The following GRM8 variants were observed in gnomAD, a reference collection of about 807,000 sequenced individuals.
GRM8 encodes the protein metabotropic glutamate receptor 8.
GRM8 carries 47 observed loss-of-function variants against 87.2 expected under a neutral mutation model. The ratio of observed to expected loss-of-function variants is 0.54; its 90% CI spans 0.43 to 0.69. The LOEUF (loss-of-function observed/expected upper bound fraction) is 0.69, where lower values mean the gene tolerates loss of function less well. Among genes scored for constraint, GRM8 ranks in the 30% least tolerant of loss-of-function variants. The pLI is 0.00. For missense variants in GRM8, 1,019 were observed against 1,139.2 expected (o/e 0.89, Z 1.52); for synonymous variants, 396 against 404.5 (o/e 0.98, Z 0.25).
rs763239842 is a variant in GRM8, at chr7:126,770,082, TA to T, written c.1157-18del. 6.4e-7 allele frequency: 1 copy of T among 1,572,144 alleles called. No individual in the cohort carries two copies. The highest frequency in any genetic ancestry group is 8.7e-7 in the Non-Finnish European group (1 of 1,147,306). Reference sequence around the variant, plus strand: ...GCTCCAGCCCTGCAAAATAAAAAAGTAAAAACCATCAGTTGATGTTAGATTC... The same window carrying T: ...GCTCCAGCCCTGCAAAATAAAAAAGTAAAACCATCAGTTGATGTTAGATTC... On this transcript the variant is annotated intron_variant, in intron 6 of 10. Coordinates refer to ENST00000339582, the MANE Select transcript of GRM8 (RefSeq NM_000845.3).
At chr7:126,872,551 T>A (rs1245321699) in intron 6 of GRM8, among the ~76,000 whole-genome samples, 1 of 152,190 alleles carries the variant, frequency 6.6e-6, no homozygotes, top group Non-Finnish European at 1.5e-5. Context: ...AGCTGTTTGG[T>A]ACAGTGTTTT....
At chr7:126,798,865 G>A (rs1380099469) in intron 6 of GRM8, among the ~76,000 whole-genome samples, 1 of 152,092 alleles carries the variant, frequency 6.6e-6, no homozygotes, top group Admixed American at 6.5e-5. Context: ...GACTGGGAAA[G>A]TCTCCCAAGA....
At chr7:127,007,362 G>C (rs1216652905) in intron 3 of GRM8, among the ~76,000 whole-genome samples, 1 of 151,804 alleles carries the variant, frequency 6.6e-6, no homozygotes, top group Non-Finnish European at 1.5e-5. Flanking sequence ...AAAAATATAA[G>C]GGTTTCTAGT....
intron 6 of GRM8, among the ~76,000 whole-genome samples, chr7:126,860,979 T>C (rs1457968010): frequency 6.6e-6 from 1 of 152,158 alleles, no homozygotes; most frequent in Admixed American, 6.5e-5. Flanking sequence ...TGTTGTATGG[T>C]TTGTGACTCC....
chr7:126,557,054 A>G (rs1396043512), intron 8 of GRM8, among the ~76,000 whole-genome samples: 2 of 152,204 alleles, frequency 1.3e-5, no homozygotes. Context: ...CTTGCTCTGA[A>G]AAATGAGCTG....
intron 3 of GRM8, among the ~76,000 whole-genome samples, chr7:126,963,426 C>G (rs573461803): frequency 2.2e-4 from 33 of 152,058 alleles, no homozygotes; most frequent in Non-Finnish European, 4.3e-4. Flanking sequence ...TTAGAAAACC[C>G]CTTCGTCTCA....
chr7:126,913,398 A>G (rs1029795078), intron 3 of GRM8, among the ~76,000 whole-genome samples: 1 of 152,244 alleles, frequency 6.6e-6, no homozygotes, highest in Non-Finnish European at 1.5e-5. Context: ...GTTAAAGAGA[A>G]TGACTAGACT....
At chr7:126,746,020 G>T (rs1482077502) in intron 7 of GRM8, among the ~76,000 whole-genome samples, 1 of 151,566 alleles carries the variant, frequency 6.6e-6, no homozygotes, top group East Asian at 1.9e-4. Flanking sequence ...AAAGCTAAGA[G>T]AATACTGCTT....
At chr7:127,037,832 C>CGTGT (rs367605693) in intron 3 of GRM8, among the ~76,000 whole-genome samples, 19,272 of 147,302 alleles carry the variant, frequency 0.13, 1,341 homozygotes, top group Middle Eastern at 0.17. Context: ...CATGCGCATC[C>CGTGT]GTGTGTGTGT....
rs560643656 is a variant in GRM8 at position 126,877,288 on chromosome 7, C to T, written c.1156+25254G>A. Among the ~76,000 whole-genome samples, 19 of 152,296 alleles carry T rather than the reference C, an allele frequency of 1.2e-4. No homozygotes were observed. The South Asian group carries it at 3.5e-3, about 28-fold the overall frequency. On this transcript the variant is annotated intron_variant, in intron 6 of 10. Coordinates refer to ENST00000339582, the MANE Select transcript of GRM8 (RefSeq NM_000845.3). Reference sequence around the variant, plus strand: ...AACTTGTTGGCCTAGCAGTAAAGTTCTTCAAAGTTTGCCAATCTGTTTGGA... The same window carrying T: ...AACTTGTTGGCCTAGCAGTAAAGTTTTTCAAAGTTTGCCAATCTGTTTGGA...
intron 2 of GRM8, among the ~76,000 whole-genome samples, chr7:127,127,623 G>A (rs1284717924): frequency 6.6e-6 from 1 of 151,918 alleles, no homozygotes; most frequent in Non-Finnish European, 1.5e-5. Flanking sequence ...GATTTCCTGG[G>A]GCCAGAGCAG....
chr7:126,819,739 G>C (rs1794129327), intron 6 of GRM8, among the ~76,000 whole-genome samples: 1 of 151,850 alleles, frequency 6.6e-6, no homozygotes, highest in Admixed American at 6.6e-5. Context: ...AATGTAAATA[G>C]ATTTTTTAAA....
chr7:126,902,458 C>A (rs1802187924), intron 6 of GRM8, 84 bp downstream of exon 6: 1 of 1,082,840 alleles, frequency 9.2e-7, no homozygotes, highest in Non-Finnish European at 1.3e-6. Context: ...TCATCATTAT[C>A]CATATAGAAA....
At chr7:126,609,231 G>T in intron 8 of GRM8, 131 bp downstream of exon 8, 1 of 588,280 alleles carries the variant, frequency 1.7e-6, no homozygotes, top group Non-Finnish European at 2.9e-6. Context: ...ATTGAAGAGA[G>T]AATCAAGTCA....
chr7:127,178,813 C>G (rs1794265902), intron 2 of GRM8, among the ~76,000 whole-genome samples: 1 of 152,116 alleles, frequency 6.6e-6, no homozygotes, highest in Admixed American at 6.5e-5. Flanking sequence ...TATTACCAAG[C>G]CACCACTACA....
At chr7:126,563,848 T>C (rs1012968194) in intron 8 of GRM8, among the ~76,000 whole-genome samples, 6 of 152,250 alleles carry the variant, frequency 3.9e-5, no homozygotes, top group Admixed American at 1.3e-4. Context: ...TCCTGATGCA[T>C]GAAATTTATT....
intron 9 of GRM8, among the ~76,000 whole-genome samples, chr7:126,455,971 ATTG>A (rs1292603370): frequency 6.6e-6 from 1 of 151,668 alleles, no homozygotes; most frequent in Non-Finnish European, 1.5e-5. Flanking sequence ...AATTAAAATT[ATTG>A]TTATCTTAGA....
chr7:126,554,639 G>T (rs1792944401), intron 8 of GRM8, among the ~76,000 whole-genome samples: 1 of 151,814 alleles, frequency 6.6e-6, no homozygotes, highest in South Asian at 2.1e-4. Context: ...AAGAACAAAA[G>T]GCAAAGCACA....
intron 6 of GRM8, among the ~76,000 whole-genome samples, chr7:126,802,043 A>C (rs930973576): frequency 6.6e-6 from 1 of 152,194 alleles, no homozygotes; most frequent in Non-Finnish European, 1.5e-5. Context: ...GTTATGTTAG[A>C]AGCACTTTTT....
Sources: allele counts gnomAD v4.1 joint callset (sites outside exome capture counted in the v4.1 genomes callset), GRCh38; gene constraint gnomAD v4.1.1; transcripts MANE v1.5; gene names NCBI Gene and HGNC (gene_info 2026-07-23, HGNC 2026-07-21).